The following LMX1A variants were observed in gnomAD, a reference collection of about 807,000 sequenced individuals.
The protein encoded by LMX1A is LIM homeobox transcription factor 1 alpha.
LMX1A carries 15 observed loss-of-function variants against 49.1 expected under a neutral mutation model. The observed-to-expected ratio is 0.31, with a 90% CI of 0.20 to 0.47. LMX1A has a LOEUF of 0.47. Among genes scored for constraint, LMX1A ranks in the 20% least tolerant of loss-of-function variants. LMX1A has a pLI of 1.00. For synonymous variants in LMX1A, 167 were observed against 185.7 expected, an observed-to-expected ratio of 0.90 and a Z score of 0.82; for missense variants, 372 against 475.8, an observed-to-expected ratio of 0.78 and a Z score of 2.03.
At chr1:165,317,021 T>G (rs1410921476) in intron 3 of LMX1A, among the ~76,000 whole-genome samples, 3 of 152,228 alleles carry the variant, frequency 2.0e-5, no homozygotes, top group Non-Finnish European at 4.4e-5. Context: ...CTGATACTTG[T>G]AAATGGCTTG....
intron 3 of LMX1A, among the ~76,000 whole-genome samples, chr1:165,252,390 T>G (rs1320387058): frequency 1.3e-5 from 2 of 152,180 alleles, no homozygotes; most frequent in Non-Finnish European, 2.9e-5. Flanking sequence ...AAACTAAAAT[T>G]TAAAGCAGAT....
chr1:165,348,495 C>T (rs10918148), intron 3 of LMX1A, among the ~76,000 whole-genome samples: 81,774 of 152,020 alleles, frequency 0.54, 22,930 homozygotes, highest in East Asian at 0.75. Flanking sequence ...TTATGCCGAG[C>T]TAAGCCCCCT....
At chr1:165,330,356 C>T (rs66498591) in intron 3 of LMX1A, among the ~76,000 whole-genome samples, 30,651 of 152,152 alleles carry the variant, frequency 0.2, 3,342 homozygotes, top group Non-Finnish European at 0.22. Context: ...TGCCTGTAGT[C>T]CCAACTATTT....
chr1:165,342,806 A>G (rs544973874), intron 3 of LMX1A, among the ~76,000 whole-genome samples: 95 of 152,104 alleles, frequency 6.2e-4, no homozygotes, highest in African/African-American at 2.1e-3. Flanking sequence ...GGACAAACTG[A>G]GAATTGTGAT....
In LMX1A at chr1:165,252,120, T is replaced by C. The variant is rs548090663; in HGVS notation, c.264-2480A>G. On this transcript the variant is annotated intron_variant, in intron 3 of 8. Transcript: ENST00000342310. ...CTTATTATTTTACTTTTCCCAAGTT[T>C]ATAACTTATCTTGTCAACAGCTCCT... Among the ~76,000 whole-genome samples, 13 of 152,364 alleles carry C rather than the reference T, an allele frequency of 8.5e-5. No individual in the cohort carries two copies. The East Asian group carries it at 1.9e-3, about 23-fold the overall frequency.
At chr1:165,299,025 A>T (rs1268060271) in intron 3 of LMX1A, among the ~76,000 whole-genome samples, 3 of 152,210 alleles carry the variant, frequency 2.0e-5, no homozygotes, top group South Asian at 2.1e-4. Flanking sequence ...CATTTTGTAG[A>T]TGATAAAAAT....
At chr1:165,329,247 A>C (rs1655671349) in intron 3 of LMX1A, among the ~76,000 whole-genome samples, 1 of 152,198 alleles carries the variant, frequency 6.6e-6, no homozygotes, top group Non-Finnish European at 1.5e-5. Context: ...TGAGAACAGC[A>C]TGGGGAAACC....
intron 4 of LMX1A, chr1:165,218,402 T>C (rs1651717383): frequency 6.6e-6 from 1 of 152,278 alleles, no homozygotes; most frequent in Non-Finnish European, 1.5e-5. Context: ...AGGAACCTTT[T>C]GGCACCTCTC....
intron 3 of LMX1A, among the ~76,000 whole-genome samples, chr1:165,326,625 T>G (rs1655588113): frequency 2.6e-5 from 4 of 152,210 alleles, no homozygotes; most frequent in Admixed American, 2.6e-4. Context: ...GTTTCTAGAC[T>G]GGCCGCCTGG....
At chr1:165,273,275 C>T (rs570112952) in intron 3 of LMX1A, among the ~76,000 whole-genome samples, 24 of 152,288 alleles carry the variant, frequency 1.6e-4, no homozygotes, top group African/African-American at 5.5e-4. Context: ...TACCCCAAGC[C>T]CTTCCAAGAA....
chr1:165,265,060 C>T (rs796439891), intron 3 of LMX1A, among the ~76,000 whole-genome samples: 3 of 151,920 alleles, frequency 2.0e-5, no homozygotes, highest in Admixed American at 6.6e-5. Flanking sequence ...AAAAATTAGC[C>T]GGGCATGGTG....
chr1:165,210,959 C>T (rs1557849128), intron 5 of LMX1A, 183 bp from the exon 6 acceptor site: 4 of 437,286 alleles, frequency 9.1e-6, no homozygotes, highest in Non-Finnish European at 1.6e-5. Flanking sequence ...AAAGAAAGTC[C>T]TTCACCAGGT....
intron 3 of LMX1A, among the ~76,000 whole-genome samples, chr1:165,265,538 C>T (rs1300269521): frequency 1.3e-5 from 2 of 152,174 alleles, no homozygotes; most frequent in African/African-American, 4.8e-5. Flanking sequence ...ACTTCTCTGG[C>T]ACTCAAAAGC....
intron 3 of LMX1A, among the ~76,000 whole-genome samples, chr1:165,301,917 G>C (rs1654786830): frequency 6.6e-6 from 1 of 152,046 alleles, no homozygotes; most frequent in Admixed American, 6.6e-5. Context: ...TTGGTTGGGG[G>C]TGGGGGGAAT....
chr1:165,243,388 C>G (rs754585102), intron 4 of LMX1A, among the ~76,000 whole-genome samples: 4 of 152,150 alleles, frequency 2.6e-5, no homozygotes, highest in South Asian at 2.1e-4. Context: ...GTCAAAAAAG[C>G]TAATGAAATC....
At chr1:165,294,008 A>G (rs934997435) in intron 3 of LMX1A, among the ~76,000 whole-genome samples, 1 of 152,268 alleles carries the variant, frequency 6.6e-6, no homozygotes, top group African/African-American at 2.4e-5. Flanking sequence ...TTAGAGCCCT[A>G]TGAAAGAGAT....
At chr1:165,329,722 G>T (rs557268169) in intron 3 of LMX1A, among the ~76,000 whole-genome samples, 1 of 151,700 alleles carries the variant, frequency 6.6e-6, no homozygotes, top group Non-Finnish European at 1.5e-5. Context: ...GACAGAAGAG[G>T]CTGTTATTAG....
intron 4 of LMX1A, 43 bp from the exon 5 acceptor site, chr1:165,213,856 G>A: frequency 6.3e-7 from 1 of 1,589,634 alleles, no homozygotes; most frequent in Non-Finnish European, 8.6e-7. Flanking sequence ...CTGAAAGCCA[G>A]TTCCTGGAGC....
intron 3 of LMX1A, among the ~76,000 whole-genome samples, chr1:165,271,930 T>C (rs891753116): frequency 1.3e-5 from 2 of 152,132 alleles, no homozygotes; most frequent in Non-Finnish European, 2.9e-5. Context: ...CAGTACTTTT[T>C]CTCCAGGAGC....
Sources: gnomAD v4.1 joint callset for allele counts (sites outside exome capture counted in the v4.1 genomes callset) on GRCh38, gnomAD v4.1.1 for gene constraint, MANE v1.5 for transcripts, NCBI Gene and HGNC (gene_info 2026-07-23, HGNC 2026-07-21) for gene names.